The following CPEB1 variants were observed in gnomAD, a reference collection of about 807,000 sequenced individuals.
CPEB1 encodes cytoplasmic polyadenylation element binding protein 1.
A neutral mutation model predicts 65.8 loss-of-function variants in CPEB1; 7 were observed. That is an observed-to-expected ratio of 0.11 (90% confidence interval 0.06 to 0.20). CPEB1 has a LOEUF of 0.20. Ranked by LOEUF, CPEB1 falls within the 10% of genes least tolerant of loss-of-function variation. The pLI is 1.00. For synonymous variants in CPEB1, 262 were observed against 260.0 expected (o/e 1.01, Z -0.08); for missense variants, 551 against 712.2 (o/e 0.77, Z 2.58).
chr15:82,646,983 TGAG>T (rs976716184), intron 1 of CPEB1, 151 bp downstream of exon 1: 2 of 152,566 alleles, frequency 1.3e-5, no homozygotes, highest in East Asian at 1.9e-4. Flanking sequence ...CGTCCGGCAC[TGAG>T]GAGAATGACC....
At chr15:82,626,638 C>T (rs1283069465) in intron 3 of CPEB1, among the ~76,000 whole-genome samples, 1 of 152,142 alleles carries the variant, frequency 6.6e-6, no homozygotes, top group African/African-American at 2.4e-5. Flanking sequence ...GATACAGAAA[C>T]TAAATGCGTG....
intron 1 of CPEB1, among the ~76,000 whole-genome samples, chr15:82,635,664 A>T (rs1413129910): frequency 6.7e-6 from 1 of 149,124 alleles, no homozygotes; most frequent in Non-Finnish European, 1.5e-5. Context: ...GTATATATAA[A>T]ACATACTCCT....
At chr15:82,607,538 G>T (rs890255122) in intron 3 of CPEB1, among the ~76,000 whole-genome samples, 1 of 152,048 alleles carries the variant, frequency 6.6e-6, no homozygotes, top group Non-Finnish European at 1.5e-5. Flanking sequence ...AGTGAGCCAA[G>T]ATCACACCAC....
intron 1 of CPEB1, among the ~76,000 whole-genome samples, chr15:82,631,971 T>C (rs2046285049): frequency 7.2e-6 from 1 of 139,556 alleles, no homozygotes; most frequent in Non-Finnish European, 1.5e-5. Flanking sequence ...AGAATTCATT[T>C]ATTTTTTTCT....
intron 5 of CPEB1, 184 bp downstream of exon 5, chr15:82,557,576 T>A: frequency 1.7e-6 from 1 of 573,268 alleles, no homozygotes; most frequent in South Asian, 2.4e-5. Context: ...CTTCAAAGCA[T>A]CCTCTATCCT....
chr15:82,567,296 G>A (rs954963374), intron 4 of CPEB1, among the ~76,000 whole-genome samples: 10 of 152,282 alleles, frequency 6.6e-5, no homozygotes, highest in Middle Eastern at 3.4e-3. Context: ...GCCTGCAAGT[G>A]ACACAGCACA....
chr15:82,580,430 T>C (rs1160316620), intron 3 of CPEB1, among the ~76,000 whole-genome samples: 1 of 152,196 alleles, frequency 6.6e-6, no homozygotes. Context: ...ATCTCTCTAC[T>C]ATTGTAAATC....
intron 11 of CPEB1, 111 bp downstream of exon 11, chr15:82,547,032 C>T (rs2035352111): frequency 1.4e-6 from 1 of 736,824 alleles, no homozygotes; most frequent in African/African-American, 1.8e-5. Flanking sequence ...TGGCTCACTT[C>T]CCTAAACACA....
chr15:82,619,829 T>C (rs1567226940), intron 3 of CPEB1, among the ~76,000 whole-genome samples: 1 of 152,054 alleles, frequency 6.6e-6, no homozygotes, highest in Non-Finnish European at 1.5e-5. Context: ...CCACTGGAAG[T>C]GTAAACTGGT....
chr15:82,569,159 A>G (rs545383009), intron 4 of CPEB1, among the ~76,000 whole-genome samples: 1 of 152,294 alleles, frequency 6.6e-6, no homozygotes, highest in South Asian at 2.1e-4. Context: ...ATGTTCCCGC[A>G]TTGCTGGTGA....
chr15:82,601,352 C>T (rs1596087079), intron 3 of CPEB1, among the ~76,000 whole-genome samples: 1 of 151,904 alleles, frequency 6.6e-6, no homozygotes, highest in African/African-American at 2.4e-5. Context: ...ACCAGCCAGG[C>T]CAACATGACT....
intron 11 of CPEB1, 83 bp from the exon 12 acceptor site, chr15:82,546,604 G>A: frequency 3.1e-6 from 3 of 981,536 alleles, no homozygotes; most frequent in Non-Finnish European, 4.9e-6. Context: ...CACATTATTG[G>A]CCACACACAG....
intron 3 of CPEB1, among the ~76,000 whole-genome samples, chr15:82,580,272 G>C (rs2041141879): frequency 6.7e-6 from 1 of 148,792 alleles, no homozygotes; most frequent in Admixed American, 6.7e-5. Flanking sequence ...AGTGAGCTGA[G>C]ATCATGCCAC....
chr15:82,585,862 A>G (rs150328808), intron 3 of CPEB1, among the ~76,000 whole-genome samples: 367 of 152,272 alleles, frequency 2.4e-3, no homozygotes, highest in African/African-American at 8.5e-3. Context: ...CACTGGTACT[A>G]TTCAACTTTA....
At position 82,557,885 on chromosome 15, in the gene CPEB1, G is replaced by C. The variant is rs751930618; in HGVS notation, c.562C>G (p.Pro188Ala). Reference protein sequence around the residue: ...PLGSDLVDKFPAPSVRGSRLD... With the variant: ...PLGSDLVDKFAAPSVRGSRLD... ...CGTGATCCTCTAACTGAGGGTGCTG[G>C]AAACTTGTCCACCAAGTCAGACCCA... The change falls in exon 5 of 13, where the codon CCA becomes GCA. Residue 188 changes from proline (P) to alanine (A), a missense_variant. Transcript: ENST00000684509. 4.3e-6 allele frequency: 7 copies of C among 1,614,192 alleles called. No individual in the cohort carries two copies. The South Asian group carries it at 4.4e-5, about 10-fold the overall frequency.
At chr15:82,569,273 A>G (rs1664855157) in intron 4 of CPEB1, among the ~76,000 whole-genome samples, 1 of 152,190 alleles carries the variant, frequency 6.6e-6, no homozygotes. Context: ...GAGCCCAGGG[A>G]AAGAAGAGCA....
At chr15:82,627,412 T>C in intron 2 of CPEB1, 45 bp from the exon 3 acceptor site, 2 of 1,443,738 alleles carry the variant, frequency 1.4e-6, no homozygotes, top group African/African-American at 2.8e-5. Flanking sequence ...TACACTCCTT[T>C]ATGACCCCCT....
chr15:82,576,848 C>A (rs1247356425), intron 3 of CPEB1, among the ~76,000 whole-genome samples: 1 of 152,096 alleles, frequency 6.6e-6, no homozygotes, highest in African/African-American at 2.4e-5. Flanking sequence ...CATGGCAAAA[C>A]CCCGTCTGTA....
intron 3 of CPEB1, among the ~76,000 whole-genome samples, chr15:82,608,263 C>T (rs1307424776): frequency 6.6e-6 from 1 of 151,406 alleles, no homozygotes; most frequent in Non-Finnish European, 1.5e-5. Flanking sequence ...TTAATAATTG[C>T]CTCTGATTTT....
Sources: gnomAD v4.1 joint callset for allele counts (sites outside exome capture counted in the v4.1 genomes callset) on GRCh38, gnomAD v4.1.1 for gene constraint, MANE v1.5 for transcripts, NCBI Gene and HGNC (gene_info 2026-07-23, HGNC 2026-07-21) for gene names.